ATP9B: variants seen among roughly 807,000 people sequenced by gnomAD.
ATP9B encodes probable phospholipid-transporting ATPase IIB.
Under a neutral mutation model 146.1 loss-of-function variants are expected in ATP9B, and 110 were observed. The observed-to-expected ratio is 0.75, with a 90% CI of 0.65 to 0.88. ATP9B has a LOEUF of 0.88. Among genes scored for constraint, ATP9B ranks in the 40% least tolerant of loss-of-function variants. ATP9B has a pLI of 0.00. For synonymous variants in ATP9B, 604 were observed against 569.7 expected, an observed-to-expected ratio of 1.06 and a Z score of -0.86; for missense variants, 1,499 against 1,496.4, an observed-to-expected ratio of 1.00 and a Z score of -0.03.
At chr18:79,105,106 T>C (rs1028216428) in intron 2 of ATP9B, among the ~76,000 whole-genome samples, 6 of 152,230 alleles carry the variant, frequency 3.9e-5, no homozygotes, top group African/African-American at 1.4e-4. Context: ...GCTGTTCTTA[T>C]TCAGGAGATA....
rs1167806792 is a variant in ATP9B, at chr18:79,071,052, T to TTTTC, written c.119+1526_119+1527insCTTT. Among the ~76,000 whole-genome samples, 1,002 of 149,816 alleles carry TTTTC rather than the reference T, an allele frequency of 6.7e-3. 29 individuals are homozygous for TTTTC. The highest frequency in any genetic ancestry group is 0.024 in the African/African-American group (967 of 40,708). ...ATTCTCATTCTGATTCCTGTTTCTT[T>TTTTC]TTTTTTTTTTTTTTGCCACTTTTTG... On this transcript the variant is annotated intron_variant, in intron 1 of 29. Transcript: ENST00000426216.
chr18:79,330,649 G>A (rs969780874), intron 17 of ATP9B, among the ~76,000 whole-genome samples: 5 of 152,070 alleles, frequency 3.3e-5, no homozygotes, highest in Admixed American at 6.5e-5. Flanking sequence ...TCCTGACCTC[G>A]TGATCCGCCC....
intron 12 of ATP9B, among the ~76,000 whole-genome samples, chr18:79,270,341 G>T (rs897247768): frequency 1.3e-5 from 2 of 151,944 alleles, no homozygotes; most frequent in Non-Finnish European, 2.9e-5. Context: ...TGTACACTGT[G>T]TATATGTTTG....
At chr18:79,256,286 T>TATATACAC (rs398033647) in intron 12 of ATP9B, among the ~76,000 whole-genome samples, 25 of 123,068 alleles carry the variant, frequency 2.0e-4, no homozygotes, top group African/African-American at 7.5e-4. Flanking sequence ...TATATATATA[T>TATATACAC]ACATACATAG....
Position 79,256,286 on chromosome 18 carries a change from T to TATATATATATATATATACACACACACAC in ATP9B, c.1268+2746_1268+2747insTATATATATATATATACACACACACACA, listed in dbSNP as rs398033647. Among the ~76,000 whole-genome samples, 4 of 123,066 alleles carry TATATATATATATATATACACACACACAC rather than the reference T, an allele frequency of 3.3e-5. 1 individual carries two copies. The highest frequency in any genetic ancestry group is 6.8e-5 in the Non-Finnish European group (4 of 58,422). 80.7% of individuals were successfully genotyped at this position (123,066 alleles called of 152,430 possible). On this transcript the variant is annotated intron_variant, in intron 12 of 29. Coordinates refer to ENST00000426216, the MANE Select transcript of ATP9B (RefSeq NM_198531.5). The stretch of plus-strand genomic sequence containing the variant: ...ATATATATATATATATATATATATA[T>TATATATATATATATATACACACACACAC]ACATACATAGTGAGGCTATGTTATT...
At chr18:79,230,646 C>T (rs1237454001) in intron 11 of ATP9B, among the ~76,000 whole-genome samples, 2 of 151,988 alleles carry the variant, frequency 1.3e-5, no homozygotes, top group Non-Finnish European at 2.9e-5. Flanking sequence ...GACCATGCTG[C>T]CAAAAGTAAT....
At chr18:79,208,813 A>C (rs1249545938) in intron 10 of ATP9B, among the ~76,000 whole-genome samples, 2 of 152,188 alleles carry the variant, frequency 1.3e-5, no homozygotes, top group Non-Finnish European at 2.9e-5. Context: ...AGAACAAGAC[A>C]GTTTTCCATG....
intron 17 of ATP9B, among the ~76,000 whole-genome samples, chr18:79,336,033 T>C (rs2096823125): frequency 6.6e-6 from 1 of 150,806 alleles, no homozygotes. Context: ...CACCGCCGTG[T>C]GCACCCTCCA....
Position 79,336,611 on chromosome 18 carries a change from G to C in ATP9B, c.2029-17G>C. 6.2e-7 allele frequency: 1 copy of C among 1,612,856 alleles called. No homozygotes were observed. The highest frequency in any genetic ancestry group is 8.5e-7 in the Non-Finnish European group (1 of 1,179,442). On this transcript the variant is annotated splice_polypyrimidine_tract_variant and intron_variant, in intron 17 of 29. Coordinates refer to ENST00000426216, the MANE Select transcript of ATP9B (RefSeq NM_198531.5). ...GCTCTGCAGGGCCCACCTGTGACTC[G>C]GCCTCTCCTTTTCCAGTGCGGAAAC... is the stretch of plus-strand genomic sequence containing the variant.
At chr18:79,252,529 G>A (rs2096036668) in intron 11 of ATP9B, among the ~76,000 whole-genome samples, 1 of 152,184 alleles carries the variant, frequency 6.6e-6, no homozygotes, top group African/African-American at 2.4e-5. Flanking sequence ...GCTCGAAATT[G>A]AAGCTACATG....
At position 79,303,671 on chromosome 18, in the gene ATP9B, C is replaced by A. The variant is rs745429178; in HGVS notation, c.1479C>A (p.Asp493Glu). ...TGGGCACCGTGTCCTATGGCGCCGA[C>A]ACGATGGATGAGATCCAGAGCCATG... ...LHLGTVSYGA[D>E]TMDEIQSHVR... Residue 493 changes from aspartate to glutamate, a missense_variant, in exon 14 of 30, where the codon GAC (aspartate) becomes GAA (glutamate). Physicochemically the swap from Asp to Glu is conservative, Grantham distance 45. Transcript: ENST00000426216. The A allele has an allele frequency of 6.8e-6, 11 of 1,614,072 alleles. No individual in the cohort carries two copies. The highest frequency in any genetic ancestry group is 9.3e-6 in the Non-Finnish European group (11 of 1,180,008).
intron 8 of ATP9B, among the ~76,000 whole-genome samples, chr18:79,183,387 C>T (rs1375826898): frequency 1.3e-5 from 2 of 151,996 alleles, no homozygotes; most frequent in South Asian, 2.1e-4. Flanking sequence ...CACTGTTTTC[C>T]AATCTGATAA....
chr18:79,268,969 C>A (rs1346143067), intron 12 of ATP9B, among the ~76,000 whole-genome samples: 1 of 152,152 alleles, frequency 6.6e-6, no homozygotes, highest in African/African-American at 2.4e-5. Context: ...CCATCTCTTC[C>A]AGCCGCTTTT....
In ATP9B at chr18:79,377,317, G is replaced by A. The variant is rs200372514; in HGVS notation, c.3378G>A (p.Pro1126=). The change falls in exon 30 of 30, where the codon CCG becomes CCA. Residue 1126 remains proline (P), a synonymous_variant. Transcript: ENST00000426216. The part of the protein sequence containing the change: ...VSAITVVSCL[P]LYVLKYLRRK... The stretch of plus-strand genomic sequence containing the variant: ...CGATCACCGTGGTCAGCTGCCTCCC[G>A]CTGTATGTCCTCAAGTACCTGAGGC... 7.8e-5 allele frequency: 126 copies of A among 1,611,944 alleles called. No individual in the cohort carries two copies. Among genetic ancestry groups the A allele is most frequent in the Non-Finnish European group, 9.9e-5 (117 of 1,180,016 alleles).
At chr18:79,274,181 A>G (rs752350473) in intron 12 of ATP9B, among the ~76,000 whole-genome samples, 3 of 152,214 alleles carry the variant, frequency 2.0e-5, no homozygotes, top group Non-Finnish European at 4.4e-5. Context: ...GGGGGGTGAC[A>G]TATTATGTTA....
At chr18:79,098,975 A>G (rs2075042619) in intron 2 of ATP9B, among the ~76,000 whole-genome samples, 1 of 152,146 alleles carries the variant, frequency 6.6e-6, no homozygotes, top group Admixed American at 6.5e-5. Flanking sequence ...TCTGTGGAAT[A>G]CTGTGTAAGT....
chr18:79,345,891 A>C, intron 23 of ATP9B, 52 bp downstream of exon 23: 1 of 1,590,854 alleles, frequency 6.3e-7, no homozygotes, highest in Non-Finnish European at 8.6e-7. Flanking sequence ...ACACATCAAC[A>C]CGACTCAGCA....
chr18:79,222,350 C>T (rs150242317), intron 11 of ATP9B, among the ~76,000 whole-genome samples: 3 of 151,636 alleles, frequency 2.0e-5, no homozygotes, highest in South Asian at 2.1e-4. Context: ...CAGAGTGAGA[C>T]TCCATCTCAA....
chr18:79,277,393 G>A (rs2096324277), intron 13 of ATP9B, 197 bp downstream of exon 13: 2 of 504,760 alleles, frequency 4.0e-6, no homozygotes, highest in Non-Finnish European at 6.8e-6. Context: ...AGTATACACA[G>A]TATCATAAGA....
Sources: allele counts gnomAD v4.1 joint callset (sites outside exome capture counted in the v4.1 genomes callset), GRCh38; gene constraint gnomAD v4.1.1; transcripts MANE v1.5; gene names NCBI Gene and HGNC (gene_info 2026-07-23, HGNC 2026-07-21).